Variants in STX19 observed in about 807,000 individuals in gnomAD.
STX19 encodes syntaxin-19.
Under a neutral mutation model 24.3 loss-of-function variants are expected in STX19, and 26 were observed. That is an observed-to-expected ratio of 1.07 (90% CI 0.78 to 1.48). The LOEUF (loss-of-function observed/expected upper bound fraction) is 1.48. Ranked by LOEUF, STX19 falls within the 40% of genes most tolerant of loss-of-function variation. The pLI is 0.00. For synonymous variants in STX19, 116 were observed against 106.9 expected (o/e 1.09, Z -0.52); for missense variants, 367 against 331.9 (o/e 1.11, Z -0.82).
intron 1 of STX19, among the ~76,000 whole-genome samples, chr3:94,027,355 C>T (rs2107054235): frequency 6.6e-6 from 1 of 151,912 alleles, no homozygotes; most frequent in East Asian, 1.9e-4. Context: ...ACTTTTTTTG[C>T]AATGTAAACT....
At chr3:94,021,474 T>C (rs114526304) in intron 1 of STX19, among the ~76,000 whole-genome samples, 2,447 of 152,100 alleles carry the variant, frequency 0.016, 71 homozygotes, top group African/African-American at 0.056. Context: ...GGATTACAGG[T>C]ACAAACCACC....
chr3:94,023,356 C>T (rs2076488967), intron 1 of STX19, among the ~76,000 whole-genome samples: 1 of 151,850 alleles, frequency 6.6e-6, no homozygotes, highest in Admixed American at 6.6e-5. Context: ...TCATGAAATT[C>T]TTGACCTTTT....
intron 1 of STX19, among the ~76,000 whole-genome samples, chr3:94,017,178 T>C (rs1008517494): frequency 6.6e-6 from 1 of 152,138 alleles, no homozygotes; most frequent in African/African-American, 2.4e-5. Context: ...TGGAGACTCA[T>C]TGAAATAAAT....
At chr3:94,017,427 T>C (rs891626693) in intron 1 of STX19, among the ~76,000 whole-genome samples, 4 of 152,204 alleles carry the variant, frequency 2.6e-5, no homozygotes, top group Admixed American at 6.5e-5. Context: ...ACTGGACATT[T>C]TCAAGATGTT....
chr3:94,028,330 C>T (rs1322574909), intron 1 of STX19, 37 bp downstream of exon 1: 6 of 152,104 alleles, frequency 3.9e-5, no homozygotes, highest in Non-Finnish European at 8.8e-5. Flanking sequence ...CTATGGATAC[C>T]TCATATTAAA....
Position 94,015,058 on chromosome 3 carries a change from A to C in STX19, c.212T>G (p.Phe71Cys), listed in dbSNP as rs572127548. Residue 71 changes from phenylalanine to cysteine, a missense_variant, in exon 2 of 2, where the codon TTT (phenylalanine) becomes TGT (cysteine). Coordinates refer to ENST00000315099, the MANE Select transcript of STX19 (RefSeq NM_001001850.3). ...CACCAGACTTTTCTGTTGCTGCCCAAATTTTTGAACATTATCTGCCAAATT... is the reference window on the plus strand; with the variant it reads ...CACCAGACTTTTCTGTTGCTGCCCACATTTTTGAACATTATCTGCCAAATT... ...INNLADNVQK[F>C]GQQQKSLVAS... The C allele has an allele frequency of 6.2e-7, 1 of 1,613,916 alleles. No homozygotes were observed. Among genetic ancestry groups the C allele is most frequent in the Non-Finnish European group, 8.5e-7 (1 of 1,179,934 alleles).
chr3:94,015,166 A>G lies in STX19; in HGVS notation c.104T>C (p.Leu35Pro), dbSNP rs1402454057. ...TCTTTCATAAATAACAGCTTGCTGT[A>G]GAAACACCCCTTGTTCCTCTGTTTC... ...TTETEEQGVFLQQAVIYEREP... is the reference protein window; with the variant it reads ...TTETEEQGVFPQQAVIYEREP... Residue 35 changes from leucine (L) to proline (P), a missense_variant, in exon 2 of 2, where the codon CTA (leucine) becomes CCA (proline). By Grantham distance (98) the Leu-to-Pro change is moderately conservative. Transcript: ENST00000315099. 2.5e-6 allele frequency: 4 copies of G among 1,613,854 alleles called. No individual in the cohort carries two copies. The highest frequency in any genetic ancestry group is 3.4e-6 in the Non-Finnish European group (4 of 1,179,948).
chr3:94,014,545 T>C lies in STX19; in HGVS notation c.725A>G (p.Glu242Gly). The change falls in exon 2 of 2, where the codon GAA (glutamate) becomes GGA (glycine). Residue 242 changes from glutamate (E) to glycine (G), a missense_variant. Glu to Gly is a moderately conservative substitution (Grantham distance 98). Transcript: ENST00000315099. ...LFIQISLLVE[E>G]QGESINNIEM... ...AATATTGTTGATGCTCTCTCCTTGT[T>C]CCTCTACTAAAAGAGATATCTGAAT... 6.2e-7 allele frequency: 1 copy of C among 1,613,016 alleles called. No homozygotes were observed. The highest frequency in any genetic ancestry group is 8.5e-7 in the Non-Finnish European group (1 of 1,179,720).
chr3:94,021,184 A>AT (rs1293313913), intron 1 of STX19, among the ~76,000 whole-genome samples: 17 of 146,706 alleles, frequency 1.2e-4, no homozygotes, highest in Admixed American at 2.7e-4. Context: ...TAATATTATT[A>AT]TATATATATA....
chr3:94,023,618 G>A (rs2076494772), intron 1 of STX19, among the ~76,000 whole-genome samples: 1 of 152,000 alleles, frequency 6.6e-6, no homozygotes, highest in African/African-American at 2.4e-5. Flanking sequence ...CCAAATAAGG[G>A]GAATTTTAAA....
Position 94,014,670 on chromosome 3 carries a change from TGTAA to T in STX19, c.596_599del (p.Leu199GlnfsTer27), listed in dbSNP as rs1263625986. 3.1e-6 allele frequency: 5 copies of T among 1,613,654 alleles called. No individual in the cohort carries two copies. Among genetic ancestry groups the T allele is most frequent in the Non-Finnish European group, 4.2e-6 (5 of 1,179,936 alleles). ...GTTGTGCTTTAGTGATATTGATTTC[TGTAA>T]GTAAGCTTTCATTAAAAACTTCCCA... On this transcript the variant is annotated frameshift_variant, in exon 2 of 2. Transcript: ENST00000315099. LOFTEE classifies it high-confidence loss of function.
chr3:94,027,701 T>C (rs1412396183), intron 1 of STX19, among the ~76,000 whole-genome samples: 1 of 152,082 alleles, frequency 6.6e-6, no homozygotes, highest in Non-Finnish European at 1.5e-5. Flanking sequence ...TCTACATATG[T>C]TGTATTTAAA....
At chr3:94,023,362 C>G (rs567262104) in intron 1 of STX19, among the ~76,000 whole-genome samples, 114 of 151,878 alleles carry the variant, frequency 7.5e-4, no homozygotes, top group African/African-American at 2.7e-3. Context: ...AATTCTTGAC[C>G]TTTTTTTCAT....
chr3:94,021,630 T>A (rs1559991357), intron 1 of STX19, among the ~76,000 whole-genome samples: 1 of 152,338 alleles, frequency 6.6e-6, no homozygotes, highest in Non-Finnish European at 1.5e-5. Context: ...TGTTTTATTA[T>A]ATACATCTGA....
chr3:94,020,989 C>G (rs545070864), intron 1 of STX19, among the ~76,000 whole-genome samples: 113 of 151,976 alleles, frequency 7.4e-4, no homozygotes, highest in African/African-American at 2.7e-3. Flanking sequence ...AACAGTTTCT[C>G]TACCTTCAGA....
At chr3:94,018,366 C>G (rs1378950245) in intron 1 of STX19, among the ~76,000 whole-genome samples, 3 of 152,092 alleles carry the variant, frequency 2.0e-5, no homozygotes, top group African/African-American at 7.2e-5. Context: ...TGATTTTAAC[C>G]CATCAGCACT....
intron 1 of STX19, among the ~76,000 whole-genome samples, chr3:94,020,444 C>G (rs533539454): frequency 1.3e-5 from 2 of 152,064 alleles, no homozygotes; most frequent in African/African-American, 4.8e-5. Flanking sequence ...CTTTATACGA[C>G]AGTATAGCAT....
intron 1 of STX19, among the ~76,000 whole-genome samples, chr3:94,023,852 A>G (rs1335065742): frequency 6.6e-6 from 1 of 152,196 alleles, no homozygotes; most frequent in Non-Finnish European, 1.5e-5. Context: ...GAGATAATAT[A>G]GCATATAGGA....
chr3:94,027,428 A>T (rs1281161293), intron 1 of STX19, among the ~76,000 whole-genome samples: 3 of 152,244 alleles, frequency 2.0e-5, no homozygotes, highest in Admixed American at 2.0e-4. Context: ...TTGTATAACA[A>T]CATTAAGATC....
Sources: gnomAD v4.1 joint callset for allele counts (sites outside exome capture counted in the v4.1 genomes callset) on GRCh38, gnomAD v4.1.1 for gene constraint, MANE v1.5 for transcripts, NCBI Gene and HGNC (gene_info 2026-07-23, HGNC 2026-07-21) for gene names.